HIBADH: variants seen among roughly 807,000 people sequenced by gnomAD.
HIBADH encodes 3-hydroxyisobutyrate dehydrogenase.
A neutral mutation model predicts 36.1 loss-of-function variants in HIBADH; 25 were observed. The ratio of observed to expected loss-of-function variants is 0.69; its 90% CI spans 0.50 to 0.97. The LOEUF is 0.97. HIBADH is among the 50% of genes least tolerant of loss of function. The pLI is 0.00. For missense variants in HIBADH, 421 were observed against 418.0 expected, an observed-to-expected ratio of 1.01 and a Z score of -0.06; for synonymous variants, 160 against 149.5, an observed-to-expected ratio of 1.07 and a Z score of -0.51.
At chr7:27,542,944 G>A (rs2128184438) in intron 5 of HIBADH, 23 bp downstream of exon 5, 1 of 1,608,610 alleles carries the variant, frequency 6.2e-7, no homozygotes, top group Non-Finnish European at 8.5e-7. Context: ...ATCAAGTCAA[G>A]GTCATTAATG....
intron 4 of HIBADH, among the ~76,000 whole-genome samples, chr7:27,623,886 C>T (rs1194157838): frequency 3.9e-5 from 6 of 152,332 alleles, no homozygotes; most frequent in Non-Finnish European, 4.4e-5. Flanking sequence ...CAACCTCTAC[C>T]TCCCGAGCTC....
At position 27,638,308 on chromosome 7, in the gene HIBADH, C is replaced by CAAAAAAAAAAAAAAAA. The variant is rs368715218; in HGVS notation, c.253-5879_253-5864dup. Among the ~76,000 whole-genome samples, 22 of 55,456 alleles carry CAAAAAAAAAAAAAAAA rather than the reference C, an allele frequency of 4.0e-4. 1 individual carries two copies. The highest frequency in any genetic ancestry group is 5.2e-4 in the African/African-American group (7 of 13,430). 36.4% of individuals were successfully genotyped at this position (55,456 alleles called of 152,430 possible). A position where few individuals can be genotyped will look rare whatever the true frequency, so the allele number is the denominator to read the frequency against. On this transcript the variant is annotated intron_variant, in intron 2 of 7. Coordinates refer to ENST00000265395, the MANE Select transcript of HIBADH (RefSeq NM_152740.4). The stretch of plus-strand genomic sequence containing the variant: ...ATACCCATCTGATCTTTGGCAAAGT[C>CAAAAAAAAAAAAAAAA]AAAAAAAAAAAAAAAAAAAAAACAA...
At chr7:27,639,183 CA>C (rs2128295587) in intron 2 of HIBADH, among the ~76,000 whole-genome samples, 2 of 152,254 alleles carry the variant, frequency 1.3e-5, no homozygotes, top group South Asian at 4.1e-4. Flanking sequence ...GACATGGAAC[CA>C]ACCTAAATGC....
chr7:27,562,344 T>C (rs751145461), intron 4 of HIBADH, among the ~76,000 whole-genome samples: 57 of 152,362 alleles, frequency 3.7e-4, no homozygotes, highest in Non-Finnish European at 6.6e-4. Context: ...TGCTCACACA[T>C]TACTTCTGTT....
chr7:27,632,499 T>C, intron 2 of HIBADH, 54 bp from the exon 3 acceptor site: 1 of 1,220,204 alleles, frequency 8.2e-7, no homozygotes, highest in Non-Finnish European at 1.2e-6. Flanking sequence ...AAGCAGTTTC[T>C]AGAGCACAAA....
At chr7:27,585,545 A>G (rs1338498819) in intron 4 of HIBADH, among the ~76,000 whole-genome samples, 1 of 152,194 alleles carries the variant, frequency 6.6e-6, no homozygotes, top group East Asian at 1.9e-4. Context: ...TGTGGCTCAC[A>G]TTTCATCTCA....
At chr7:27,629,228 C>T (rs1785702608) in intron 4 of HIBADH, 143 bp downstream of exon 4, 4 of 666,168 alleles carry the variant, frequency 6.0e-6, no homozygotes, top group East Asian at 5.5e-5. Context: ...TACTAAATAA[C>T]GTATCAGTTT....
intron 4 of HIBADH, among the ~76,000 whole-genome samples, chr7:27,557,452 G>C (rs1401162534): frequency 1.3e-5 from 2 of 152,150 alleles, no homozygotes; most frequent in Non-Finnish European, 2.9e-5. Flanking sequence ...TATTGTCTTA[G>C]TCTGTTTTGT....
At chr7:27,662,617 GA>G (rs1786447001) in intron 1 of HIBADH, 80 bp downstream of exon 1, 7 of 931,502 alleles carry the variant, frequency 7.5e-6, no homozygotes, top group Non-Finnish European at 1.4e-6. Flanking sequence ...GGCCTCCCGA[GA>G]AAAGACTTCT....
intron 2 of HIBADH, among the ~76,000 whole-genome samples, chr7:27,646,734 C>T (rs1168347384): frequency 8.1e-6 from 1 of 123,088 alleles, no homozygotes; most frequent in African/African-American, 3.2e-5. Flanking sequence ...CTCCCTCTGT[C>T]ATCCAGGCTG....
In HIBADH at chr7:27,628,524, T is replaced by C. The variant is rs561855184; in HGVS notation, c.484+847A>G. 4.6e-5 allele frequency among the ~76,000 whole-genome samples: 7 copies of C among 152,228 alleles called. No homozygotes were observed. In the East Asian group the frequency reaches 1.3e-3, roughly 29 times the overall value. On this transcript the variant is annotated intron_variant, in intron 4 of 7. Transcript: ENST00000265395. ...TTACAGAGAAGCCATACTATAATCC[T>C]GCCATTCCAAACTACCCAGATACCT...
intron 4 of HIBADH, among the ~76,000 whole-genome samples, chr7:27,585,871 T>A (rs1784854735): frequency 6.6e-6 from 1 of 152,214 alleles, no homozygotes. Flanking sequence ...GGAGAAAATG[T>A]TATAAGATGG....
intron 6 of HIBADH, among the ~76,000 whole-genome samples, chr7:27,537,832 T>A (rs1311304894): frequency 6.6e-6 from 1 of 152,140 alleles, no homozygotes; most frequent in African/African-American, 2.4e-5. Context: ...ATGAATTGCA[T>A]CTTTATGAAT....
At chr7:27,603,774 A>T (rs1234167291) in intron 4 of HIBADH, among the ~76,000 whole-genome samples, 3 of 152,230 alleles carry the variant, frequency 2.0e-5, no homozygotes, top group Admixed American at 6.5e-5. Flanking sequence ...ATTCCACTGT[A>T]CATTAAAAAT....
chr7:27,546,602 A>C (rs1389148121), intron 4 of HIBADH, among the ~76,000 whole-genome samples: 1 of 152,172 alleles, frequency 6.6e-6, no homozygotes, highest in Non-Finnish European at 1.5e-5. Context: ...GTCAAGAAGA[A>C]CTTTAGTGGT....
intron 4 of HIBADH, among the ~76,000 whole-genome samples, chr7:27,618,004 T>A (rs924497767): frequency 1.3e-5 from 2 of 152,200 alleles, no homozygotes; most frequent in Admixed American, 1.3e-4. Flanking sequence ...TGAAGCACAC[T>A]CTACAGTGTC....
At chr7:27,636,690 T>C (rs540841674) in intron 2 of HIBADH, among the ~76,000 whole-genome samples, 2 of 152,348 alleles carry the variant, frequency 1.3e-5, no homozygotes, top group South Asian at 2.1e-4. Flanking sequence ...AAGTGGTGCA[T>C]ACATCCCAGA....
intron 3 of HIBADH, among the ~76,000 whole-genome samples, 182 bp downstream of exon 3, chr7:27,632,154 T>C (rs573024874): frequency 9.2e-5 from 14 of 152,318 alleles, no homozygotes; most frequent in Non-Finnish European, 1.9e-4. Context: ...CATTGTCACA[T>C]ACTTGACTTC....
At chr7:27,623,491 C>T (rs1201071175) in intron 4 of HIBADH, among the ~76,000 whole-genome samples, 1 of 152,104 alleles carries the variant, frequency 6.6e-6, no homozygotes, top group Non-Finnish European at 1.5e-5. Flanking sequence ...TATGATCTTA[C>T]ACCTAGAAAA....
Sources: allele counts gnomAD v4.1 joint callset (sites outside exome capture counted in the v4.1 genomes callset), GRCh38; gene constraint gnomAD v4.1.1; transcripts MANE v1.5; gene names NCBI Gene and HGNC (gene_info 2026-07-23, HGNC 2026-07-21).